Variants in LNX1 observed in about 807,000 individuals in gnomAD.
LNX1 encodes the protein ligand of numb-protein X 1.
LNX1 carries 54 observed loss-of-function variants against 68.4 expected under a neutral mutation model. The observed-to-expected ratio is 0.79, with a 90% CI of 0.63 to 0.99. The LOEUF (loss-of-function observed/expected upper bound fraction) is 0.99. LNX1 is among the 50% of genes least tolerant of loss of function. The pLI is 0.00. For synonymous variants in LNX1, 336 were observed against 350.0 expected, an observed-to-expected ratio of 0.96 and a Z score of 0.45; for missense variants, 906 against 926.4, an observed-to-expected ratio of 0.98 and a Z score of 0.29.
chr4:53,528,095 A>C (rs1727752151), intron 2 of LNX1, among the ~76,000 whole-genome samples: 1 of 152,198 alleles, frequency 6.6e-6, no homozygotes, highest in African/African-American at 2.4e-5. Context: ...TTGTAATAAC[A>C]CGTGCAGGTT....
chr4:53,580,692 T>C (rs1363854997), intron 1 of LNX1, among the ~76,000 whole-genome samples: 3 of 152,148 alleles, frequency 2.0e-5, no homozygotes, highest in Non-Finnish European at 2.9e-5. Flanking sequence ...TGCAAAAATA[T>C]GTAGTGGCAT....
rs377045257 is a variant in LNX1, at chr4:53,498,830, C to T, written c.789G>A (p.Leu263=). 3 of 1,612,906 alleles carry T rather than the reference C, an allele frequency of 1.9e-6. No homozygotes were observed. The highest frequency in any genetic ancestry group is 2.5e-6 in the Non-Finnish European group (3 of 1,179,280). The change falls in exon 5 of 11, where the codon TTG becomes TTA. Residue 263 remains leucine (L), a synonymous_variant. Transcript: ENST00000263925. ...TTTCACCATCTGGAATCAGGTGGTA[C>T]AACCTTGGAAAGACTGAAATGGACA... ...NTTAPEVFPR[L]YHLIPDGEIT...
chr4:53,615,607 C>A (rs1733654600), intron 2 of LNX1, among the ~76,000 whole-genome samples: 1 of 152,100 alleles, frequency 6.6e-6, no homozygotes, highest in Non-Finnish European at 1.5e-5. Flanking sequence ...AAGAGCTTAG[C>A]CAACCCACAG....
At chr4:53,557,932 G>A (rs1730030811) in intron 2 of LNX1, 2 of 1,613,562 alleles carry the variant, frequency 1.2e-6, no homozygotes, top group Non-Finnish European at 1.7e-6. Context: ...GCAGGACTGA[G>A]CCAAGGCAAG....
chr4:53,580,958 C>T (rs1202595737), intron 1 of LNX1, among the ~76,000 whole-genome samples: 1 of 152,010 alleles, frequency 6.6e-6, no homozygotes, highest in African/African-American at 2.4e-5. Flanking sequence ...CCCAGAAGTA[C>T]AAAAATACTG....
At chr4:53,637,437 G>A (rs966900705) in intron 1 of LNX1, among the ~76,000 whole-genome samples, 7 of 152,032 alleles carry the variant, frequency 4.6e-5, no homozygotes, top group African/African-American at 1.7e-4. Flanking sequence ...AAGATTCACT[G>A]ATTCTAGGAG....
At position 53,573,702 on chromosome 4, in the gene LNX1, G is replaced by A; in HGVS notation, c.301C>T (p.Leu101=). ...SILVNKLLNK[L]LVTCPFREHC... ...TCCCTGAATGGGCAGGTCACCAGTA[G>A]CTTGTTGAGGAGTTTGTTGACCAGG... The change falls in exon 2 of 11, where the codon CTA becomes TTA. Residue 101 remains leucine (L), a synonymous_variant. Transcript: ENST00000263925. 1.2e-6 allele frequency: 2 copies of A among 1,610,704 alleles called. No individual in the cohort carries two copies. The highest frequency in any genetic ancestry group is 1.7e-4 in the Middle Eastern group (1 of 6,060).
chr4:53,479,371 T>C lies in LNX1; in HGVS notation c.1486-629A>G, dbSNP rs572807733. Among the ~76,000 whole-genome samples the C allele has an allele frequency of 2.0e-5, 3 of 152,370 alleles. No homozygotes were observed. In the East Asian group the frequency reaches 5.8e-4, roughly 29 times the overall value. On this transcript the variant is annotated intron_variant, in intron 7 of 10. Transcript: ENST00000263925. ...AGAGTCTTCTTTCACACCTGCTCAGTGCTTACCAGGCAGCCTTGCCTGCGG... is the reference window on the plus strand; with the variant it reads ...AGAGTCTTCTTTCACACCTGCTCAGCGCTTACCAGGCAGCCTTGCCTGCGG...
intron 2 of LNX1, among the ~76,000 whole-genome samples, chr4:53,541,066 G>A (rs750444201): frequency 1.9e-4 from 29 of 151,256 alleles, no homozygotes; most frequent in African/African-American, 2.7e-4. Context: ...GAACCTGGGC[G>A]GCAGAGCTTG....
chr4:53,564,957 G>C (rs368974607), intron 2 of LNX1, among the ~76,000 whole-genome samples: 3 of 152,170 alleles, frequency 2.0e-5, no homozygotes, highest in Admixed American at 1.3e-4. Context: ...AAAAAATGGC[G>C]CACCACGAGA....
At chr4:53,637,194 G>A (rs149079993) in intron 1 of LNX1, among the ~76,000 whole-genome samples, 668 of 152,142 alleles carry the variant, frequency 4.4e-3, no homozygotes, top group Middle Eastern at 0.024. Flanking sequence ...ACAACATCAT[G>A]ATTGCAGCAT....
At chr4:53,536,632 T>A (rs145640428) in intron 2 of LNX1, among the ~76,000 whole-genome samples, 2 of 152,230 alleles carry the variant, frequency 1.3e-5, no homozygotes, top group African/African-American at 4.8e-5. Flanking sequence ...ATATTGCTTC[T>A]TCATAAAAAG....
In LNX1 at chr4:53,640,329, T is replaced by C. The variant is rs77197241; in HGVS notation, c.-215+11839A>G. Among the ~76,000 whole-genome samples the C allele has an allele frequency of 3.6e-3, 545 of 152,246 alleles. 3 individuals are homozygous for C. Among genetic ancestry groups the C allele is most frequent in the African/African-American group, 0.012 (519 of 41,550 alleles). On this transcript the variant is annotated intron_variant, in intron 1 of 2. Transcript: ENST00000507168. ...GAGACAATGATAGAGAAGTCTTTCT[T>C]TGGGAGAGCATCCTTAGCTGTGGAA...
chr4:53,603,932 T>C (rs1371990817), intron 2 of LNX1: 2 of 152,238 alleles, frequency 1.3e-5, no homozygotes, highest in South Asian at 4.1e-4. Context: ...CTACTGATTA[T>C]TAAATATTTT....
intron 2 of LNX1, among the ~76,000 whole-genome samples, chr4:53,608,115 A>G (rs572302426): frequency 1.3e-5 from 2 of 152,038 alleles, no homozygotes; most frequent in South Asian, 2.1e-4. Context: ...AAATTGACAC[A>G]TGGGACCTAG....
Position 53,476,157 on chromosome 4 carries a change from C to T in LNX1, c.1892+596G>A, listed in dbSNP as rs535575884. 1.4e-4 allele frequency among the ~76,000 whole-genome samples: 21 copies of T among 152,048 alleles called. No individual in the cohort carries two copies. The Middle Eastern group carries it at 0.01, about 74-fold the overall frequency. The stretch of plus-strand genomic sequence containing the variant: ...ACTAGAAATACAAAAATGAGCTGGG[C>T]GTGGTGGTGTGTGCCTGTAATCCCA... On this transcript the variant is annotated intron_variant, in intron 9 of 10. Coordinates refer to ENST00000263925, the MANE Select transcript of LNX1 (RefSeq NM_001126328.3).
At chr4:53,569,035 A>G (rs1206016203) in intron 2 of LNX1, among the ~76,000 whole-genome samples, 2 of 150,826 alleles carry the variant, frequency 1.3e-5, no homozygotes, top group African/African-American at 2.4e-5. Context: ...ATGGAAGAAC[A>G]TTCCATGCTC....
intron 7 of LNX1, among the ~76,000 whole-genome samples, chr4:53,479,690 T>C (rs998265567): frequency 7.2e-5 from 11 of 152,234 alleles, no homozygotes; most frequent in Non-Finnish European, 1.5e-4. Context: ...CACCTTACAA[T>C]GTTCCTTGAT....
chr4:53,640,820 A>G lies in LNX1; in HGVS notation c.-215+11348T>C, dbSNP rs546122382. The stretch of plus-strand genomic sequence containing the variant: ...TAACTGATTTTTCACAAAATTGTGC[A>G]TTGACTATTTCTCACAAGAGGTTTT... On this transcript the variant is annotated intron_variant, in intron 1 of 2. Transcript: ENST00000507168. Among the ~76,000 whole-genome samples, 9 of 152,350 alleles carry G rather than the reference A, an allele frequency of 5.9e-5. No individual in the cohort carries two copies. In the South Asian group the frequency reaches 8.3e-4, roughly 14 times the overall value.
Sources: allele counts gnomAD v4.1 joint callset (sites outside exome capture counted in the v4.1 genomes callset), GRCh38; gene constraint gnomAD v4.1.1; transcripts MANE v1.5; gene names NCBI Gene and HGNC (gene_info 2026-07-23, HGNC 2026-07-21).